GRAMD4: variants seen among roughly 807,000 people sequenced by gnomAD.
The protein encoded by GRAMD4 is GRAM domain containing 4.
Under a neutral mutation model 83.9 loss-of-function variants are expected in GRAMD4, and 25 were observed. That is an observed-to-expected ratio of 0.30 (90% CI 0.22 to 0.42). GRAMD4 has a LOEUF of 0.42. GRAMD4 is among the 10% of genes least tolerant of loss of function. The pLI is 1.00. For synonymous variants in GRAMD4, 336 were observed against 320.9 expected, an observed-to-expected ratio of 1.05 and a Z score of -0.50; for missense variants, 593 against 788.7, an observed-to-expected ratio of 0.75 and a Z score of 2.97.
chr22:46,651,637 G>A (rs1199034696), intron 3 of GRAMD4, among the ~76,000 whole-genome samples: 3 of 152,230 alleles, frequency 2.0e-5, no homozygotes, highest in Non-Finnish European at 4.4e-5. Context: ...AGGGGGTCTT[G>A]GGAGAGCAGG....
chr22:46,594,140 C>T (rs919517122), intron 1 of GRAMD4, among the ~76,000 whole-genome samples: 6 of 151,524 alleles, frequency 4.0e-5, no homozygotes, highest in Non-Finnish European at 8.8e-5. Context: ...CCAGCCCCAC[C>T]CCAGCATCCC....
chr22:46,590,687 G>A (rs5767279), intron 1 of GRAMD4, among the ~76,000 whole-genome samples: 74,391 of 152,110 alleles, frequency 0.49, 20,179 homozygotes, highest in African/African-American at 0.74. Flanking sequence ...GGTGAGGGGA[G>A]GAGGAGCTCA....
rs2082516019 is a variant in GRAMD4 at position 46,672,096 on chromosome 22, ACTC to A, written c.1085-744_1085-742del. On this transcript the variant is annotated intron_variant, in intron 13 of 18. Transcript: ENST00000406902. This position sits in a 1 kb window ranked among gnomAD's most constrained non-coding sequence, Gnocchi z 4.7. ...GGGAGGGGCACCCGGAGAGACCGGA[ACTC>A]CTGACAGCTTTTGCTGCCCAGGGGG... 6.6e-6 allele frequency among the ~76,000 whole-genome samples: 1 copy of A among 151,920 alleles called. No individual in the cohort carries two copies. Among genetic ancestry groups the A allele is most frequent in the South Asian group, 2.1e-4 (1 of 4,808 alleles).
At chr22:46,661,068 G>T (rs374981062) in intron 4 of GRAMD4, among the ~76,000 whole-genome samples, 12 of 152,246 alleles carry the variant, frequency 7.9e-5, no homozygotes, top group African/African-American at 2.4e-4. Flanking sequence ...TAGCAGACGG[G>T]TTGGTGATAT....
chr22:46,594,528 G>A (rs2081241863), intron 1 of GRAMD4, among the ~76,000 whole-genome samples: 1 of 147,774 alleles, frequency 6.8e-6, no homozygotes, highest in Non-Finnish European at 1.5e-5. Flanking sequence ...CCTCTGGGGG[G>A]CCCTTGGTAG....
chr22:46,581,709 C>A (rs149842582), intron 1 of GRAMD4, among the ~76,000 whole-genome samples: 1 of 152,214 alleles, frequency 6.6e-6, no homozygotes, highest in African/African-American at 2.4e-5. Context: ...CTGCATTTCA[C>A]GCAGGAGGAA....
chr22:46,639,826 G>C (rs553439975), intron 3 of GRAMD4, among the ~76,000 whole-genome samples: 1 of 152,308 alleles, frequency 6.6e-6, no homozygotes, highest in Admixed American at 6.5e-5. Context: ...CTGTGGTGTG[G>C]AGTGACTCGG....
chr22:46,665,198 G>A (rs1012320459), intron 8 of GRAMD4, among the ~76,000 whole-genome samples: 1 of 152,248 alleles, frequency 6.6e-6, no homozygotes, highest in Non-Finnish European at 1.5e-5. Flanking sequence ...CCCGGGCTCT[G>A]TGCTGGGCAC....
chr22:46,618,116 T>C (rs2081527535), upstream of GRAMD4, among the ~76,000 whole-genome samples: 2 of 151,916 alleles, frequency 1.3e-5, no homozygotes, highest in Non-Finnish European at 2.9e-5. This position sits in a 1 kb window ranked among gnomAD's most constrained non-coding sequence, Gnocchi z 5.8. Context: ...GGGCTGCCTT[T>C]GTGTGTCGCT....
chr22:46,664,326 G>T (rs1351132296), intron 8 of GRAMD4, among the ~76,000 whole-genome samples: 4 of 152,226 alleles, frequency 2.6e-5, no homozygotes, highest in Non-Finnish European at 5.9e-5. Context: ...AAGATGTTGG[G>T]CGTGGCCCGG....
At chr22:46,579,027 C>T (rs1214855844) in intron 1 of GRAMD4, among the ~76,000 whole-genome samples, 2 of 152,238 alleles carry the variant, frequency 1.3e-5, no homozygotes, top group Non-Finnish European at 2.9e-5. Context: ...ATGGCTGATG[C>T]GTGGAGTGCG....
At chr22:46,597,544 C>T (rs1049910635) in intron 1 of GRAMD4, among the ~76,000 whole-genome samples, 1 of 152,158 alleles carries the variant, frequency 6.6e-6, no homozygotes, top group Admixed American at 6.5e-5. Flanking sequence ...GGCTGGAGTG[C>T]AGTGGCGCGA....
In GRAMD4 at chr22:46,668,682, C is replaced by T. The variant is rs2082450680; in HGVS notation, c.931-7C>T. ...GCTGTTGTAATTGCTGTTTCTCCTT[C>T]ACACAGAACCTTTTCGGGAAGATGG... is the stretch of plus-strand genomic sequence containing the variant. On this transcript the variant is annotated splice_polypyrimidine_tract_variant and splice_region_variant and intron_variant, in intron 11 of 18. Transcript: ENST00000406902. 1 of 1,611,866 alleles carries T rather than the reference C, an allele frequency of 6.2e-7. No homozygotes were observed. The highest frequency in any genetic ancestry group is 8.5e-7 in the Non-Finnish European group (1 of 1,179,144).
At chr22:46,611,299 G>GC (rs1174095772) in intron 1 of GRAMD4, among the ~76,000 whole-genome samples, 17 of 152,270 alleles carry the variant, frequency 1.1e-4, no homozygotes, top group Admixed American at 2.6e-4. Context: ...AGGCAGAGGG[G>GC]CCTATGAGCT....
At chr22:46,592,831 T>G (rs1415880664) in intron 1 of GRAMD4, among the ~76,000 whole-genome samples, 2 of 152,158 alleles carry the variant, frequency 1.3e-5, no homozygotes, top group Admixed American at 1.3e-4. Context: ...ATGGAGACAA[T>G]GACTCTGCTG....
chr22:46,667,275 G>C (rs2082424781), intron 10 of GRAMD4, among the ~76,000 whole-genome samples: 2 of 152,174 alleles, frequency 1.3e-5, no homozygotes, highest in Admixed American at 1.3e-4. Context: ...ACCTCTCGGA[G>C]GTTGCAGTGA....
At chr22:46,662,160 C>T (rs934715808) in intron 5 of GRAMD4, among the ~76,000 whole-genome samples, 1 of 152,254 alleles carries the variant, frequency 6.6e-6, no homozygotes, top group African/African-American at 2.4e-5. Flanking sequence ...AAAACTCTGC[C>T]AGGCTGCCTT....
intron 3 of GRAMD4, among the ~76,000 whole-genome samples, chr22:46,655,324 G>A (rs2082227239): frequency 6.6e-6 from 1 of 152,164 alleles, no homozygotes; most frequent in African/African-American, 2.4e-5. Flanking sequence ...TGGATTCATT[G>A]CCAGCCCGGT....
At chr22:46,639,153 A>AGT (rs3081630) in intron 3 of GRAMD4, among the ~76,000 whole-genome samples, 16,659 of 149,532 alleles carry the variant, frequency 0.11, 1,017 homozygotes, top group African/African-American at 0.16. Flanking sequence ...TGTGTGCGTG[A>AGT]GTGTGTGTGT....
Sources: allele counts gnomAD v4.1 joint callset (sites outside exome capture counted in the v4.1 genomes callset), GRCh38; gene constraint gnomAD v4.1.1; non-coding constraint Gnocchi (gnomAD v3.1); transcripts MANE v1.5; gene names NCBI Gene and HGNC (gene_info 2026-07-23, HGNC 2026-07-21).